The following CELF4 variants were observed in gnomAD, a reference collection of about 807,000 sequenced individuals.
CELF4 encodes the protein CUG-BP- and ETR-3-like factor 4.
In CELF4, 18 loss-of-function variants were observed where a neutral mutation model predicts 59.9. The ratio of observed to expected loss-of-function variants is 0.30; its 90% CI spans 0.21 to 0.45. The LOEUF is 0.45. Ranked by LOEUF, CELF4 falls within the 20% of genes least tolerant of loss-of-function variation. CELF4 has a pLI of 1.00. For missense variants in CELF4, 456 were observed against 689.0 expected (o/e 0.66, Z 3.79); for synonymous variants, 261 against 267.1 (o/e 0.98, Z 0.22).
At chr18:37,545,051 C>G (rs1224510984) in intron 1 of CELF4, among the ~76,000 whole-genome samples, 1 of 152,168 alleles carries the variant, frequency 6.6e-6, no homozygotes, top group African/African-American at 2.4e-5. Flanking sequence ...CGTTTCCCAC[C>G]AGAATCCCAG....
intron 11 of CELF4, among the ~76,000 whole-genome samples, chr18:37,255,237 G>A (rs940720409): frequency 5.9e-5 from 9 of 152,006 alleles, no homozygotes; most frequent in African/African-American, 1.9e-4. Flanking sequence ...AGTAGAAGCC[G>A]TCTTCTCAGT....
intron 2 of CELF4, among the ~76,000 whole-genome samples, chr18:37,360,777 A>C (rs2098691238): frequency 6.6e-6 from 1 of 152,006 alleles, no homozygotes; most frequent in Non-Finnish European, 1.5e-5. Flanking sequence ...CACCAGTGGG[A>C]CAGAGGGGGA....
rs549831565 is a variant in CELF4, at chr18:37,353,113, T to C, written c.370-31232A>G. Among the ~76,000 whole-genome samples, 493 of 150,520 alleles carry C rather than the reference T, an allele frequency of 3.3e-3. 1 individual carries two copies. The highest frequency in any genetic ancestry group is 5.5e-3 in the African/African-American group (226 of 40,988). On this transcript the variant is annotated intron_variant, in intron 2 of 12. Coordinates refer to ENST00000420428, the MANE Select transcript of CELF4 (RefSeq NM_020180.4). ...GCACGTGCCTGCAGTCCCAGCTACTTGGGAGGCTGAGGCAGGAGAATTGCT... is the reference window on the plus strand; with the variant it reads ...GCACGTGCCTGCAGTCCCAGCTACTCGGGAGGCTGAGGCAGGAGAATTGCT...
intron 3 of CELF4, among the ~76,000 whole-genome samples, chr18:37,320,830 A>G (rs945183983): frequency 1.3e-5 from 2 of 151,918 alleles, no homozygotes; most frequent in Admixed American, 1.3e-4. Flanking sequence ...ACATTCTTCT[A>G]CCCTATGGGG....
chr18:37,273,400 A>G (rs2092237492), intron 6 of CELF4: 1 of 1,264,560 alleles, frequency 7.9e-7, no homozygotes, highest in Admixed American at 3.6e-5. Context: ...TTGGAACTCC[A>G]AAGTTGTTGC....
chr18:37,314,782 C>T (rs1020538678), intron 3 of CELF4, among the ~76,000 whole-genome samples: 3 of 152,160 alleles, frequency 2.0e-5, no homozygotes, highest in Non-Finnish European at 4.4e-5. Context: ...CTGCCTTCAC[C>T]TGCCTACCTT....
chr18:37,449,027 C>A (rs2099755956), intron 2 of CELF4, among the ~76,000 whole-genome samples: 1 of 152,188 alleles, frequency 6.6e-6, no homozygotes, highest in Non-Finnish European at 1.5e-5. Context: ...CGCTCCTTTG[C>A]CTTTTTGGCC....
chr18:37,364,554 C>T (rs929987054), intron 2 of CELF4, among the ~76,000 whole-genome samples: 14 of 152,150 alleles, frequency 9.2e-5, no homozygotes, highest in Non-Finnish European at 1.3e-4. Context: ...CAATCATGAG[C>T]CTGGATGGGG....
chr18:37,501,862 C>G (rs570488339), intron 1 of CELF4, among the ~76,000 whole-genome samples: 1 of 152,202 alleles, frequency 6.6e-6, no homozygotes. Context: ...GGCTGCCTCC[C>G]GCTTTCCTCT....
chr18:37,476,714 G>A (rs965733417), intron 2 of CELF4, among the ~76,000 whole-genome samples: 10 of 152,242 alleles, frequency 6.6e-5, no homozygotes, highest in African/African-American at 1.4e-4. Context: ...CATCCATCCC[G>A]GAGCAGGAGC....
chr18:37,476,461 C>T (rs554561852), intron 2 of CELF4, among the ~76,000 whole-genome samples: 1 of 152,344 alleles, frequency 6.6e-6, no homozygotes, highest in African/African-American at 2.4e-5. Context: ...CAGTAAACTA[C>T]GGCGCCCTAG....
chr18:37,394,339 C>A (rs1488769391), intron 2 of CELF4, among the ~76,000 whole-genome samples: 2 of 152,170 alleles, frequency 1.3e-5, no homozygotes, highest in Non-Finnish European at 2.9e-5. Flanking sequence ...CTCCTGCTCG[C>A]GTGCAGCCGC....
intron 2 of CELF4, among the ~76,000 whole-genome samples, chr18:37,367,518 G>T (rs1603629234): frequency 6.6e-6 from 1 of 152,108 alleles, no homozygotes; most frequent in Non-Finnish European, 1.5e-5. Flanking sequence ...TGCATAAGAT[G>T]CTTGGGACAA....
chr18:37,519,679 G>A (rs1477055208), intron 1 of CELF4, among the ~76,000 whole-genome samples: 1 of 152,222 alleles, frequency 6.6e-6, no homozygotes, highest in Non-Finnish European at 1.5e-5. Context: ...TCACTGAGGA[G>A]CCCCTGCCAC....
chr18:37,487,062 C>CTCTCA (rs2099882768), intron 1 of CELF4, among the ~76,000 whole-genome samples: 2 of 152,324 alleles, frequency 1.3e-5, no homozygotes, highest in South Asian at 4.1e-4. Context: ...CCAAGCCCTC[C>CTCTCA]TCTCATGAGG....
chr18:37,536,265 G>C (rs2099973405), intron 1 of CELF4, among the ~76,000 whole-genome samples: 1 of 152,140 alleles, frequency 6.6e-6, no homozygotes, highest in East Asian at 1.9e-4. Context: ...AGGGAAAGCT[G>C]AGAACTGCAC....
chr18:37,561,323 T>C (rs1259845415), intron 1 of CELF4, among the ~76,000 whole-genome samples: 1 of 152,364 alleles, frequency 6.6e-6, no homozygotes, highest in South Asian at 2.1e-4. Context: ...TAGATTAAAA[T>C]GCATCGTAGG....
At chr18:37,350,028 A>G (rs1476225565) in intron 2 of CELF4, among the ~76,000 whole-genome samples, 2 of 152,144 alleles carry the variant, frequency 1.3e-5, no homozygotes, top group Admixed American at 6.5e-5. Flanking sequence ...AGAGATAAGC[A>G]GGCAGGGAGG....
At chr18:37,532,575 A>G (rs188558968) in intron 1 of CELF4, among the ~76,000 whole-genome samples, 5 of 152,268 alleles carry the variant, frequency 3.3e-5, no homozygotes, top group African/African-American at 1.2e-4. Flanking sequence ...AGAGAAACAG[A>G]TTAGAACACT....
Sources: gnomAD v4.1 joint callset for allele counts (sites outside exome capture counted in the v4.1 genomes callset) on GRCh38, gnomAD v4.1.1 for gene constraint, MANE v1.5 for transcripts, NCBI Gene and HGNC (gene_info 2026-07-23, HGNC 2026-07-21) for gene names.